Variants in NRXN1 observed in about 807,000 individuals in gnomAD.
NRXN1 encodes the protein neurexin-1.
In NRXN1, 39 loss-of-function variants were observed where a neutral mutation model predicts 150.9. That is an observed-to-expected ratio of 0.26 (90% CI 0.20 to 0.34). NRXN1 has a LOEUF of 0.34. NRXN1 is among the 10% of genes least tolerant of loss of function. The probability of loss-of-function intolerance (pLI) is 1.00; values close to 1 mark genes in which losing one functional copy is unlikely to be tolerated. For synonymous variants in NRXN1, 924 were observed against 757.0 expected (o/e 1.22, Z -3.62); for missense variants, 1,815 against 1,949.9 (o/e 0.93, Z 1.30).
At chr2:50,251,536 G>T (rs548171274) in intron 17 of NRXN1, among the ~76,000 whole-genome samples, 2 of 152,144 alleles carry the variant, frequency 1.3e-5, no homozygotes, top group South Asian at 4.2e-4. Context: ...TTGTTCTTTG[G>T]GTATATACCC....
intron 21 of NRXN1, chr2:49,974,241 T>C (rs1678525235): frequency 4.5e-6 from 3 of 672,032 alleles, no homozygotes; most frequent in Non-Finnish European, 8.4e-6. Context: ...AGCCAATGGC[T>C]GACGCACTAC....
At chr2:50,159,431 C>T (rs952611746) in intron 18 of NRXN1, among the ~76,000 whole-genome samples, 17 of 152,032 alleles carry the variant, frequency 1.1e-4, no homozygotes, top group African/African-American at 3.9e-4. Flanking sequence ...ATTTTTTGCT[C>T]CCCACAAAAC....
At chr2:50,098,248 C>G (rs1171124591) in intron 18 of NRXN1, among the ~76,000 whole-genome samples, 1 of 152,078 alleles carries the variant, frequency 6.6e-6, no homozygotes, top group Non-Finnish European at 1.5e-5. Flanking sequence ...AGAATAAAAA[C>G]AGGTAAAGTC....
intron 5 of NRXN1, among the ~76,000 whole-genome samples, chr2:50,879,802 T>C (rs72840217): frequency 0.011 from 1,715 of 152,016 alleles, 24 homozygotes; most frequent in South Asian, 0.024. Context: ...GTACCGGCTA[T>C]AGGAAAAGAA....
intron 17 of NRXN1, among the ~76,000 whole-genome samples, chr2:50,329,376 G>T (rs992850061): frequency 2.6e-5 from 4 of 151,266 alleles, no homozygotes; most frequent in African/African-American, 7.3e-5. Flanking sequence ...CTTATAAAAT[G>T]ATAAGGACTG....
At chr2:50,549,461 T>C (rs999339719) in intron 9 of NRXN1, among the ~76,000 whole-genome samples, 1 of 152,180 alleles carries the variant, frequency 6.6e-6, no homozygotes, top group Non-Finnish European at 1.5e-5. Flanking sequence ...TAATCTGAAA[T>C]TTTAATCACA....
intron 17 of NRXN1, among the ~76,000 whole-genome samples, chr2:50,433,565 T>A (rs1389193203): frequency 1.4e-5 from 2 of 142,070 alleles, no homozygotes; most frequent in Non-Finnish European, 3.0e-5. Flanking sequence ...AGGTAATAAT[T>A]TTTTTTTTTT....
At chr2:50,829,722 C>G in intron 5 of NRXN1, 2 of 1,591,582 alleles carry the variant, frequency 1.3e-6, no homozygotes, top group Non-Finnish European at 1.7e-6. Flanking sequence ...AGCTCGCCCA[C>G]GGTTGGCAGC....
intron 5 of NRXN1, among the ~76,000 whole-genome samples, chr2:50,708,825 G>T (rs13031783): frequency 5.9e-5 from 9 of 151,996 alleles, no homozygotes; most frequent in Admixed American, 5.9e-4. Flanking sequence ...GCCAGAGCAG[G>T]GATCCAGGGT....
chr2:50,469,529 C>T (rs866614059), intron 16 of NRXN1, among the ~76,000 whole-genome samples: 3 of 151,480 alleles, frequency 2.0e-5, no homozygotes, highest in Admixed American at 6.6e-5. Context: ...GTGGTTTGGA[C>T]TCAAATTCCA....
chr2:50,757,880 C>T (rs1701345278), intron 5 of NRXN1: 1 of 151,672 alleles, frequency 6.6e-6, no homozygotes, highest in Non-Finnish European at 1.5e-5. Flanking sequence ...GTTACCTCCT[C>T]TCTTGAGGGC....
intron 19 of NRXN1, among the ~76,000 whole-genome samples, chr2:50,058,548 T>C (rs1343839960): frequency 8.6e-6 from 1 of 115,612 alleles, no homozygotes; most frequent in Non-Finnish European, 1.9e-5. Flanking sequence ...AATAAAAAAC[T>C]AATGACTTTG....
chr2:50,760,202 G>A (rs949619890), intron 5 of NRXN1, among the ~76,000 whole-genome samples: 35 of 151,854 alleles, frequency 2.3e-4, no homozygotes, highest in African/African-American at 7.5e-4. Context: ...CTTGGAAAAC[G>A]GATCTGTCCC....
intron 2 of NRXN1, among the ~76,000 whole-genome samples, chr2:50,933,173 T>A (rs1290446683): frequency 6.6e-6 from 1 of 152,092 alleles, no homozygotes; most frequent in Non-Finnish European, 1.5e-5. Flanking sequence ...AAAGAATTAT[T>A]CCATAAATTT....
intron 21 of NRXN1, among the ~76,000 whole-genome samples, chr2:49,982,372 T>A (rs999703658): frequency 1.3e-5 from 2 of 152,134 alleles, no homozygotes; most frequent in African/African-American, 4.8e-5. Context: ...AACTTCTTTA[T>A]CTTTTCAGCT....
intron 5 of NRXN1, among the ~76,000 whole-genome samples, chr2:50,658,279 G>A (rs374734228): frequency 6.6e-6 from 1 of 151,982 alleles, no homozygotes; most frequent in East Asian, 2.0e-4. Flanking sequence ...GCAGGTGGGT[G>A]TATCTTTACC....
chr2:50,233,209 T>A (rs2065117812), intron 18 of NRXN1, among the ~76,000 whole-genome samples: 1 of 152,054 alleles, frequency 6.6e-6, no homozygotes, highest in Non-Finnish European at 1.5e-5. Flanking sequence ...TCACTTCATG[T>A]CTTACCTTCT....
chr2:50,819,966 A>T (rs757832376), intron 5 of NRXN1, among the ~76,000 whole-genome samples: 10 of 152,086 alleles, frequency 6.6e-5, no homozygotes, highest in Non-Finnish European at 1.0e-4. Context: ...CACTCTGCTC[A>T]CTTGTTAATA....
chr2:49,968,084 G>C (rs1403791375), intron 21 of NRXN1, among the ~76,000 whole-genome samples: 4 of 150,518 alleles, frequency 2.7e-5, no homozygotes, highest in Non-Finnish European at 5.9e-5. Context: ...CCTAAGGCCA[G>C]ATTCTCATTT....
Sources: allele counts gnomAD v4.1 joint callset (sites outside exome capture counted in the v4.1 genomes callset), GRCh38; gene constraint gnomAD v4.1.1; transcripts MANE v1.5; gene names NCBI Gene and HGNC (gene_info 2026-07-23, HGNC 2026-07-21).